The following PDE4B variants were observed in gnomAD, a reference collection of about 807,000 sequenced individuals.
PDE4B encodes the protein 3',5'-cyclic-AMP phosphodiesterase 4B.
A neutral mutation model predicts 82.2 loss-of-function variants in PDE4B; 20 were observed. The ratio of observed to expected loss-of-function variants is 0.24; its 90% CI spans 0.17 to 0.35. The LOEUF is 0.35. Among genes scored for constraint, PDE4B ranks in the 10% least tolerant of loss-of-function variants. The probability of loss-of-function intolerance (pLI) is 1.00; values close to 1 mark genes in which losing one functional copy is unlikely to be tolerated. For missense variants in PDE4B, 655 were observed against 907.2 expected, an observed-to-expected ratio of 0.72 and a Z score of 3.57; for synonymous variants, 320 against 318.9, an observed-to-expected ratio of 1.00 and a Z score of -0.04.
At chr1:66,294,300 G>C (rs898094005) in intron 7 of PDE4B, among the ~76,000 whole-genome samples, 3 of 152,112 alleles carry the variant, frequency 2.0e-5, no homozygotes, top group Non-Finnish European at 4.4e-5. Flanking sequence ...TCTAGCATTA[G>C]AGAAGGATAA....
At chr1:65,797,017 A>G (rs1179904065) in intron 1 of PDE4B, among the ~76,000 whole-genome samples, 1 of 147,012 alleles carries the variant, frequency 6.8e-6, no homozygotes, top group Non-Finnish European at 1.5e-5. Flanking sequence ...CAGTGGCACT[A>G]TTTCCACTCA....
intron 1 of PDE4B, among the ~76,000 whole-genome samples, chr1:65,885,018 AAAAC>A (rs1268422434): frequency 2.0e-5 from 3 of 152,210 alleles, no homozygotes; most frequent in Non-Finnish European, 4.4e-5. Flanking sequence ...TTACAAGAAA[AAAAC>A]AAACAACCCC....
At chr1:66,078,910 T>C (rs557782203) in intron 3 of PDE4B, among the ~76,000 whole-genome samples, 33 of 152,086 alleles carry the variant, frequency 2.2e-4, no homozygotes, top group Non-Finnish European at 3.4e-4. Flanking sequence ...TTTGGATGGA[T>C]GAGCATAAAG....
intron 12 of PDE4B, among the ~76,000 whole-genome samples, chr1:66,364,861 G>C (rs9651186): frequency 1.4e-3 from 217 of 152,274 alleles, no homozygotes; most frequent in African/African-American, 4.9e-3. Flanking sequence ...CTCAATGAGT[G>C]CTTGGGTAAT....
chr1:65,878,644 C>G (rs1164728391), intron 1 of PDE4B, among the ~76,000 whole-genome samples: 1 of 152,080 alleles, frequency 6.6e-6, no homozygotes, highest in African/African-American at 2.4e-5. Context: ...GAAAACCAAA[C>G]ACTGCATGTT....
chr1:66,024,488 A>G (rs1249699807), intron 3 of PDE4B, among the ~76,000 whole-genome samples: 1 of 152,088 alleles, frequency 6.6e-6, no homozygotes, highest in Non-Finnish European at 1.5e-5. Flanking sequence ...ATTGCATTAA[A>G]CTAGAATTTG....
intron 3 of PDE4B, among the ~76,000 whole-genome samples, chr1:66,034,300 T>A (rs140992170): frequency 6.6e-6 from 1 of 152,370 alleles, no homozygotes; most frequent in African/African-American, 2.4e-5. Flanking sequence ...TAACAAGTAG[T>A]TGAAAGTTAA....
At chr1:66,355,643 C>T (rs1288986585) in intron 9 of PDE4B, 23 bp downstream of exon 9, 1 of 1,423,048 alleles carries the variant, frequency 7.0e-7, no homozygotes, top group Non-Finnish European at 9.9e-7. Context: ...CTGGGAAAAA[C>T]CTGTTTTATA....
chr1:65,910,608 A>G (rs1024219055), intron 1 of PDE4B, among the ~76,000 whole-genome samples: 15 of 152,200 alleles, frequency 9.9e-5, no homozygotes, highest in African/African-American at 2.7e-4. Flanking sequence ...ATAAACAAAA[A>G]GGGCTATGAA....
At chr1:66,358,500 C>A (rs1467903402) in intron 9 of PDE4B, among the ~76,000 whole-genome samples, 2 of 152,004 alleles carry the variant, frequency 1.3e-5, no homozygotes, top group African/African-American at 2.4e-5. Context: ...CATGGTGAAA[C>A]CCTGTCTCTA....
intron 3 of PDE4B, among the ~76,000 whole-genome samples, chr1:65,957,187 C>T (rs1263751800): frequency 1.3e-5 from 2 of 151,878 alleles, no homozygotes; most frequent in South Asian, 2.1e-4. Context: ...TGGTGGATAA[C>T]ATTCTTCATT....
At chr1:65,882,868 G>C (rs1646724779) in intron 1 of PDE4B, among the ~76,000 whole-genome samples, 1 of 152,152 alleles carries the variant, frequency 6.6e-6, no homozygotes, top group Non-Finnish European at 1.5e-5. Flanking sequence ...ATTTTAGTAG[G>C]AGATGTTGAA....
Position 65,793,015 on chromosome 1 carries a change from G to C in PDE4B, c.-304G>C, listed in dbSNP as rs1645589254. On this transcript the variant is annotated 5_prime_UTR_variant, in exon 1 of 17. Coordinates refer to ENST00000341517, the MANE Select transcript of PDE4B (RefSeq NM_002600.4). ...GCCCCCGGCCCGCGCGCCCCTTCCC[G>C]GGGCTCCTGGCCTCGCCTCAGCGGC... 6.6e-6 allele frequency among the ~76,000 whole-genome samples: 1 copy of C among 151,754 alleles called. No homozygotes were observed. Among genetic ancestry groups the C allele is most frequent in the African/African-American group, 2.4e-5 (1 of 41,364 alleles).
chr1:66,164,353 G>A (rs1471909676), intron 3 of PDE4B, among the ~76,000 whole-genome samples: 3 of 151,624 alleles, frequency 2.0e-5, no homozygotes, highest in Non-Finnish European at 4.4e-5. Flanking sequence ...TGGCCAACAT[G>A]GTGAAACCCC....
At chr1:65,862,600 T>C (rs914777968) in intron 1 of PDE4B, among the ~76,000 whole-genome samples, 9 of 152,134 alleles carry the variant, frequency 5.9e-5, no homozygotes, top group African/African-American at 1.9e-4. Context: ...TTTTTTGTTG[T>C]TTGGAATAGT....
rs538777676 is a variant in PDE4B, at chr1:66,041,486, A to T, written c.281+122651A>T. ...TCTTTCTCCAACTTAAGACCCAGGTATATAGAACCATTTGCAACTTCTACA... is the reference window on the plus strand; with the variant it reads ...TCTTTCTCCAACTTAAGACCCAGGTTTATAGAACCATTTGCAACTTCTACA... On this transcript the variant is annotated intron_variant, in intron 3 of 16. Transcript: ENST00000341517. Among the ~76,000 whole-genome samples, 11 of 152,046 alleles carry T rather than the reference A, an allele frequency of 7.2e-5. No homozygotes were observed. In the East Asian group the frequency reaches 1.9e-3, roughly 27 times the overall value.
chr1:65,869,478 G>T (rs1197143586), intron 1 of PDE4B, among the ~76,000 whole-genome samples: 1 of 152,182 alleles, frequency 6.6e-6, no homozygotes. Context: ...CAGTGTGTGT[G>T]TATTATAGAC....
Position 66,363,589 on chromosome 1 carries a change from G to A in PDE4B, c.1284+18G>A, listed in dbSNP as rs766155961. The A allele has an allele frequency of 6.3e-7, 1 of 1,594,482 alleles. No individual in the cohort carries two copies. The highest frequency in any genetic ancestry group is 1.1e-5 in the South Asian group (1 of 89,170). Reference sequence around the variant, plus strand: ...CATTAGACGTGAGTAATTATGACCTGTTTTGCATTCCTGCCCATCCTCCTT... The same window carrying A: ...CATTAGACGTGAGTAATTATGACCTATTTTGCATTCCTGCCCATCCTCCTT... On this transcript the variant is annotated intron_variant, in intron 12 of 16. Coordinates refer to ENST00000341517, the MANE Select transcript of PDE4B (RefSeq NM_002600.4).
chr1:66,352,454 A>G (rs1336827070), intron 8 of PDE4B, among the ~76,000 whole-genome samples: 2 of 152,200 alleles, frequency 1.3e-5, no homozygotes, highest in East Asian at 3.9e-4. Context: ...AGTGATTGAC[A>G]ATGTATCCCA....
Sources: gnomAD v4.1 joint callset for allele counts (sites outside exome capture counted in the v4.1 genomes callset) on GRCh38, gnomAD v4.1.1 for gene constraint, MANE v1.5 for transcripts, NCBI Gene and HGNC (gene_info 2026-07-23, HGNC 2026-07-21) for gene names.